BRI3: variants seen among roughly 807,000 people sequenced by gnomAD.
BRI3 encodes brain protein I3.
A neutral mutation model predicts 12.8 loss-of-function variants in BRI3; 6 were observed. The ratio of observed to expected loss-of-function variants is 0.47; its 90% CI spans 0.26 to 0.93. The LOEUF is 0.93. BRI3 is among the 40% of genes least tolerant of loss of function. The probability of loss-of-function intolerance (pLI) is 0.15; values close to 1 mark genes in which losing one functional copy is unlikely to be tolerated. For synonymous variants in BRI3, 91 were observed against 76.1 expected, an observed-to-expected ratio of 1.20 and a Z score of -1.02; for missense variants, 134 against 171.1, an observed-to-expected ratio of 0.78 and a Z score of 1.21.
At chr7:98,292,602 T>C (rs1584404707), downstream of BRI3, 6 of 1,545,806 alleles carry the variant, frequency 3.9e-6, no homozygotes, top group Non-Finnish European at 4.4e-6. Flanking sequence ...TCCGAGGGCA[T>C]CATGGCTGCT....
exon 2 of BRI3, chr7:98,307,987 C>T: frequency 8.1e-7 from 1 of 1,230,462 alleles, no homozygotes; most frequent in Non-Finnish European, 1.2e-6. Flanking sequence ...TCCACCTGTT[C>T]TCATCTTGCC....
the BRI3 span, among the ~76,000 whole-genome samples, chr7:98,316,773 A>G: frequency 6.6e-6 from 1 of 150,664 alleles, no homozygotes; most frequent in Non-Finnish European, 1.5e-5. Context: ...TCCTTCATCC[A>G]CTCCCCAGTC....
At chr7:98,292,633 C>T, downstream of BRI3, 1 of 1,551,650 alleles carries the variant, frequency 6.4e-7, no homozygotes, top group Non-Finnish European at 8.7e-7. Flanking sequence ...ACCCGCCCTT[C>T]TCCAGGCACC....
intron 1 of BRI3, among the ~76,000 whole-genome samples, chr7:98,301,241 C>T (rs1032866480): frequency 1.3e-5 from 2 of 152,194 alleles, no homozygotes; most frequent in African/African-American, 2.4e-5. Flanking sequence ...TCCCTGTGGG[C>T]GTCACCTCCA....
the BRI3 span, chr7:98,317,076 C>G: frequency 2.0e-5 from 21 of 1,039,416 alleles, no homozygotes. Flanking sequence ...TGGTCTCGAA[C>G]TCCTGACCTC....
downstream of BRI3, chr7:98,293,953 C>T: frequency 8.4e-7 from 1 of 1,184,612 alleles, no homozygotes. Context: ...CCCCATGGCT[C>T]CACAGGCCGA....
downstream of BRI3, among the ~76,000 whole-genome samples, chr7:98,297,666 G>A (rs1264604281): frequency 2.6e-5 from 4 of 152,148 alleles, no homozygotes; most frequent in African/African-American, 9.7e-5. Flanking sequence ...ATTCTCAAAA[G>A]GGGGACGCTG....
At chr7:98,288,334 C>G (rs577997394) in intron 2 of BRI3, among the ~76,000 whole-genome samples, 1 of 152,044 alleles carries the variant, frequency 6.6e-6, no homozygotes, top group Non-Finnish European at 1.5e-5. Context: ...GCTGTGGCAC[C>G]TGGGGGAGAA....
At chr7:98,300,704 G>A (rs756385641) in intron 1 of BRI3, among the ~76,000 whole-genome samples, 6 of 152,052 alleles carry the variant, frequency 3.9e-5, no homozygotes, top group East Asian at 1.9e-4. Flanking sequence ...CGTGAGGTGC[G>A]AAGGGTGTGA....
At chr7:98,317,348 T>C in the BRI3 span, 7 of 1,613,636 alleles carry the variant, frequency 4.3e-6, no homozygotes, top group Admixed American at 8.3e-5. Flanking sequence ...GGTATCTTTT[T>C]AGAGTTGCCT....
chr7:98,283,238 A>C (rs748669375), intron 2 of BRI3, among the ~76,000 whole-genome samples: 5 of 151,860 alleles, frequency 3.3e-5, no homozygotes, highest in African/African-American at 9.7e-5. Flanking sequence ...TCGGAGGAGG[A>C]AGTTGAAGCC....
the BRI3 span, chr7:98,319,907 A>T: frequency 2.8e-6 from 2 of 713,962 alleles, no homozygotes; most frequent in Non-Finnish European, 4.9e-6. Context: ...CACAGCCCAA[A>T]GAGAGCTTGT....
exon 2 of BRI3, chr7:98,309,355 A>G (rs1479884126): frequency 6.6e-6 from 1 of 151,720 alleles, no homozygotes; most frequent in Non-Finnish European, 1.5e-5. Context: ...GGGTTTCACC[A>G]TATTGGCCAG....
chr7:98,319,383 C>T, the BRI3 span, among the ~76,000 whole-genome samples: 52 of 152,292 alleles, frequency 3.4e-4, no homozygotes, highest in African/African-American at 1.1e-3. Context: ...CCGGACGGTG[C>T]TCTCCCGCAC....
In BRI3 at chr7:98,291,291, T is replaced by C. The variant is rs998157328; in HGVS notation, c.*48T>C. 5.6e-6 allele frequency: 9 copies of C among 1,609,316 alleles called. No homozygotes were observed. The highest frequency in any genetic ancestry group is 7.6e-6 in the Non-Finnish European group (9 of 1,178,526). On this transcript the variant is annotated 3_prime_UTR_variant, in exon 3 of 3. Coordinates refer to ENST00000297290, the MANE Select transcript of BRI3 (RefSeq NM_015379.5). ...CCTACACCCAGCTCTCTTTTTCTAA[T>C]GTAAATGTTGTGTACAATAATTTTA...
downstream of BRI3, chr7:98,294,055 C>G: frequency 6.2e-7 from 1 of 1,613,070 alleles, no homozygotes; most frequent in Non-Finnish European, 8.5e-7. Context: ...CTGAGGCTCA[C>G]GTAGGAAGCC....
upstream of BRI3, among the ~76,000 whole-genome samples, chr7:98,305,051 T>TTG (rs1483464711): frequency 2.5e-4 from 22 of 89,298 alleles, no homozygotes; most frequent in Admixed American, 6.9e-4. Context: ...TTTTTTGTTT[T>TTG]TTTTTTTTTT....
intron 2 of BRI3, among the ~76,000 whole-genome samples, chr7:98,289,024 G>A (rs1009335697): frequency 2.0e-5 from 3 of 152,058 alleles, no homozygotes; most frequent in Admixed American, 6.6e-5. Flanking sequence ...GCAGTGGCAC[G>A]ATCTCAGCTC....
At chr7:98,289,740 C>T (rs771552744) in intron 2 of BRI3, among the ~76,000 whole-genome samples, 18 of 152,214 alleles carry the variant, frequency 1.2e-4, no homozygotes, top group Non-Finnish European at 2.1e-4. Context: ...TTGGGCTGAG[C>T]TGGCTAGTGT....
Sources: allele counts gnomAD v4.1 joint callset (sites outside exome capture counted in the v4.1 genomes callset), GRCh38; gene constraint gnomAD v4.1.1; transcripts MANE v1.5; gene names NCBI Gene and HGNC (gene_info 2026-07-23, HGNC 2026-07-21).